The following WASF2 variants were observed in gnomAD, a reference collection of about 807,000 sequenced individuals.
WASF2 encodes the protein WASP family member 2.
A neutral mutation model predicts 45.0 loss-of-function variants in WASF2; 14 were observed. The observed-to-expected ratio is 0.31, with a 90% confidence interval of 0.21 to 0.49. The LOEUF (loss-of-function observed/expected upper bound fraction) is 0.49, where lower values mean the gene tolerates loss of function less well. WASF2 is among the 20% of genes least tolerant of loss of function. The pLI is 0.99. For missense variants in WASF2, 439 were observed against 636.1 expected (o/e 0.69, Z 3.33); for synonymous variants, 200 against 236.3 (o/e 0.85, Z 1.41).
rs2016699435 is a variant in WASF2 at position 27,407,788 on chromosome 1, A to C, written c.*401T>G. 1 of 173,414 alleles carries C rather than the reference A, an allele frequency of 5.8e-6. No individual in the cohort carries two copies. The highest frequency in any genetic ancestry group is 2.4e-5 in the African/African-American group (1 of 41,840). 10.7% of individuals were successfully genotyped at this position (173,414 alleles called of 1,614,324 possible). ...TCAGACCACTCCCCGTTTTAGAACCAGAAGGTGGCTGGCATTCGAAGTGGC... is the reference window on the plus strand; with the variant it reads ...TCAGACCACTCCCCGTTTTAGAACCCGAAGGTGGCTGGCATTCGAAGTGGC... On this transcript the variant is annotated 3_prime_UTR_variant, in exon 9 of 9. Coordinates refer to ENST00000618852, the MANE Select transcript of WASF2 (RefSeq NM_006990.5).
chr1:27,421,068 A>T (rs186715147), intron 2 of WASF2, among the ~76,000 whole-genome samples: 6 of 152,334 alleles, frequency 3.9e-5, no homozygotes, highest in Non-Finnish European at 7.3e-5. Context: ...TCAACTGCAT[A>T]TTTTGAATTG....
intron 1 of WASF2, among the ~76,000 whole-genome samples, chr1:27,472,866 G>A: frequency 6.7e-6 from 1 of 150,072 alleles, no homozygotes; most frequent in East Asian, 1.9e-4. Context: ...TAGCTACTTA[G>A]GAGGCTGAGG....
chr1:27,444,596 C>A lies in WASF2; in HGVS notation c.-43-15663G>T, dbSNP rs143491406. On this transcript the variant is annotated intron_variant, in intron 1 of 8. Transcript: ENST00000618852. Reference sequence around the variant, plus strand: ...TTACACAAAGGTGTTCCTAAATGGTCCTCTTTTATTTGGTTTCAGTGGAGG... The same window carrying A: ...TTACACAAAGGTGTTCCTAAATGGTACTCTTTTATTTGGTTTCAGTGGAGG... Among the ~76,000 whole-genome samples, 449 of 152,282 alleles carry A rather than the reference C, an allele frequency of 2.9e-3. 2 individuals carry two copies. The highest frequency in any genetic ancestry group is 9.7e-3 in the African/African-American group (405 of 41,562).
chr1:27,423,789 G>A (rs868094761), intron 2 of WASF2, among the ~76,000 whole-genome samples: 3 of 152,146 alleles, frequency 2.0e-5, no homozygotes, highest in Non-Finnish European at 4.4e-5. Flanking sequence ...ATGTTACGTG[G>A]AAGTAGAACA....
chr1:27,405,573 T>G lies in WASF2; in HGVS notation c.*2616A>C, dbSNP rs1386716849. ...TACCTGCATTGGGTCCTTTATCATC[T>G]TAAAGGGCTCTGGGTCTAAAGAAGC... is the stretch of plus-strand genomic sequence containing the variant. On this transcript the variant is annotated 3_prime_UTR_variant, in exon 9 of 9. Coordinates refer to ENST00000618852, the MANE Select transcript of WASF2 (RefSeq NM_006990.5). 6.7e-6 allele frequency: 1 copy of G among 148,526 alleles called. No homozygotes were observed. The highest frequency in any genetic ancestry group is 1.5e-5 in the Non-Finnish European group (1 of 67,298). 9.2% of individuals were successfully genotyped at this position (148,526 alleles called of 1,614,324 possible). A position where few individuals can be genotyped will look rare whatever the true frequency, so the allele number is the denominator to read the frequency against.
intron 1 of WASF2, among the ~76,000 whole-genome samples, chr1:27,442,990 CA>C (rs782114128): frequency 0.61 from 39,101 of 64,018 alleles, 10,755 homozygotes; most frequent in Admixed American, 0.72. Context: ...GACTCTGTCT[CA>C]AAAAAAAAAA....
intron 1 of WASF2, among the ~76,000 whole-genome samples, chr1:27,470,269 G>A (rs2148137052): frequency 6.6e-6 from 1 of 152,312 alleles, no homozygotes; most frequent in African/African-American, 2.4e-5. Context: ...AATAAGCATT[G>A]GGAGTCACAC....
intron 1 of WASF2, among the ~76,000 whole-genome samples, chr1:27,468,965 A>G (rs1198014187): frequency 6.6e-6 from 1 of 152,010 alleles, no homozygotes; most frequent in Non-Finnish European, 1.5e-5. Context: ...TATGTAAACC[A>G]AATCAATGTA....
intron 1 of WASF2, among the ~76,000 whole-genome samples, chr1:27,472,008 C>G (rs1456824879): frequency 6.6e-6 from 1 of 152,170 alleles, no homozygotes; most frequent in Non-Finnish European, 1.5e-5. Flanking sequence ...ATAATCCACT[C>G]TCTTTGTAGC....
At chr1:27,450,274 C>G (rs180693637) in intron 1 of WASF2, among the ~76,000 whole-genome samples, 12 of 152,180 alleles carry the variant, frequency 7.9e-5, no homozygotes, top group Admixed American at 3.9e-4. Context: ...AGTTATCAGC[C>G]AAGAAGAGAA....
At chr1:27,465,869 T>C (rs1219744856) in intron 1 of WASF2, among the ~76,000 whole-genome samples, 3 of 152,168 alleles carry the variant, frequency 2.0e-5, no homozygotes, top group Non-Finnish European at 2.9e-5. Context: ...TGGGAACACA[T>C]TATCGTGCTA....
At chr1:27,412,872 C>T (rs2016783126) in intron 6 of WASF2, 145 bp from the exon 7 acceptor site, 2 of 895,576 alleles carry the variant, frequency 2.2e-6, no homozygotes, top group Admixed American at 2.6e-5. Flanking sequence ...TTTTCTGTTA[C>T]ACTGAAATTT....
chr1:27,484,823 G>C (rs1200088988), intron 1 of WASF2, among the ~76,000 whole-genome samples: 2 of 129,346 alleles, frequency 1.5e-5, no homozygotes, highest in Non-Finnish European at 3.2e-5. Context: ...AAAAAAAAAA[G>C]AATACTCTAA....
chr1:27,429,692 C>T (rs1221944684), intron 1 of WASF2, among the ~76,000 whole-genome samples: 2 of 151,406 alleles, frequency 1.3e-5, no homozygotes, highest in African/African-American at 4.9e-5. Flanking sequence ...AGGAAAATTG[C>T]TTGAACCCGG....
intron 2 of WASF2, among the ~76,000 whole-genome samples, chr1:27,426,141 A>G (rs1184033116): frequency 6.6e-6 from 1 of 152,250 alleles, no homozygotes; most frequent in African/African-American, 2.4e-5. Flanking sequence ...ATAATTCCAC[A>G]GTGAGGAAGA....
At chr1:27,461,668 G>A (rs2017547179) in intron 1 of WASF2, among the ~76,000 whole-genome samples, 1 of 151,796 alleles carries the variant, frequency 6.6e-6, no homozygotes, top group Non-Finnish European at 1.5e-5. Context: ...TAGAGTCGGG[G>A]TTTCACCGTG....
intron 1 of WASF2, among the ~76,000 whole-genome samples, chr1:27,446,859 A>G (rs2017317009): frequency 6.6e-6 from 1 of 151,420 alleles, no homozygotes; most frequent in South Asian, 2.1e-4. Context: ...CTATTCTGTT[A>G]CTATCAATCA....
chr1:27,445,310 T>C (rs1239378287), intron 1 of WASF2, among the ~76,000 whole-genome samples: 2 of 152,222 alleles, frequency 1.3e-5, no homozygotes, highest in Non-Finnish European at 2.9e-5. Flanking sequence ...GATTCATAAC[T>C]TTATGAAAGT....
intron 1 of WASF2, among the ~76,000 whole-genome samples, chr1:27,444,486 C>T (rs2017287090): frequency 1.3e-5 from 2 of 152,282 alleles, no homozygotes; most frequent in East Asian, 1.9e-4. Context: ...ATTACTAACT[C>T]GAAGGAATGG....
Sources: gnomAD v4.1 joint callset for allele counts (sites outside exome capture counted in the v4.1 genomes callset) on GRCh38, gnomAD v4.1.1 for gene constraint, MANE v1.5 for transcripts, NCBI Gene and HGNC (gene_info 2026-07-23, HGNC 2026-07-21) for gene names.